LRRC63: variants seen among roughly 807,000 people sequenced by gnomAD.
LRRC63 encodes the protein leucine rich repeat containing 63.
A neutral mutation model predicts 49.5 loss-of-function variants in LRRC63; 40 were observed. That is an observed-to-expected ratio of 0.81 (90% CI 0.63 to 1.05). The LOEUF is 1.05. LRRC63 is among the 50% of genes least tolerant of loss of function. The pLI is 0.00. For missense variants in LRRC63, 636 were observed against 663.1 expected, an observed-to-expected ratio of 0.96 and a Z score of 0.45; for synonymous variants, 191 against 221.1, an observed-to-expected ratio of 0.86 and a Z score of 1.21.
intron 4 of LRRC63, among the ~76,000 whole-genome samples, chr13:46,231,964 C>T (rs1026921787): frequency 6.6e-5 from 10 of 151,810 alleles, no homozygotes; most frequent in African/African-American, 1.5e-4. Flanking sequence ...TACAGGCGCC[C>T]GCCACCATGC....
At chr13:46,217,717 C>G (rs1222283917) in intron 2 of LRRC63, among the ~76,000 whole-genome samples, 1 of 152,206 alleles carries the variant, frequency 6.6e-6, no homozygotes, top group Non-Finnish European at 1.5e-5. Context: ...AATTTTACAT[C>G]TTTCCTGCTT....
chr13:46,228,519 C>T, intron 3 of LRRC63, 146 bp from the exon 4 acceptor site: 1 of 625,030 alleles, frequency 1.6e-6, no homozygotes, highest in Non-Finnish European at 2.9e-6. Context: ...AAGTAGAATG[C>T]CAGTGCTGAT....
At chr13:46,247,600 T>C (rs925940262) in intron 6 of LRRC63, among the ~76,000 whole-genome samples, 5 of 152,150 alleles carry the variant, frequency 3.3e-5, no homozygotes, top group Non-Finnish European at 7.4e-5. Flanking sequence ...ATAGATAAAA[T>C]ATTCCAATGA....
At chr13:46,271,046 G>A (rs2047751160) in intron 9 of LRRC63, among the ~76,000 whole-genome samples, 1 of 152,032 alleles carries the variant, frequency 6.6e-6, no homozygotes, top group Non-Finnish European at 1.5e-5. Flanking sequence ...ACTGTTAGAG[G>A]GTACCATAAA....
intron 8 of LRRC63, among the ~76,000 whole-genome samples, chr13:46,265,463 C>T (rs1360298390): frequency 6.6e-6 from 1 of 152,186 alleles, no homozygotes; most frequent in African/African-American, 2.4e-5. Context: ...ATCAAGGCCC[C>T]AGCAGATGTG....
chr13:46,228,180 TC>T lies in LRRC63; in HGVS notation c.755del (p.Ser252LeufsTer2). 1 of 1,543,026 alleles carries T rather than the reference TC, an allele frequency of 6.5e-7. No homozygotes were observed. Among genetic ancestry groups the T allele is most frequent in the Non-Finnish European group, 8.8e-7 (1 of 1,142,364 alleles). On this transcript the variant is annotated frameshift_variant, in exon 3 of 10. Coordinates refer to ENST00000595396, the Ensembl canonical transcript of LRRC63. LOFTEE classifies it high-confidence loss of function. ...TTTACCAAGAAAACCTCACAGGCAGTCTGTGATAGGTAAATACAATCTGAAC... is the reference window on the plus strand; with the variant it reads ...TTTACCAAGAAAACCTCACAGGCAGTTGTGATAGGTAAATACAATCTGAAC...
At chr13:46,214,843 A>T (rs1283893747) in intron 2 of LRRC63, among the ~76,000 whole-genome samples, 2 of 152,120 alleles carry the variant, frequency 1.3e-5, no homozygotes, top group Non-Finnish European at 2.9e-5. Flanking sequence ...ACTCCCACTT[A>T]CAAGTGAGAA....
At chr13:46,243,523 TTCTCTA>T (rs1401652840) in intron 5 of LRRC63, among the ~76,000 whole-genome samples, 1 of 152,168 alleles carries the variant, frequency 6.6e-6, no homozygotes, top group Non-Finnish European at 1.5e-5. Context: ...GAAACTCACT[TTCTCTA>T]TAAAGACACA....
At chr13:46,247,913 CAT>C (rs1566497850) in intron 6 of LRRC63, among the ~76,000 whole-genome samples, 1 of 151,868 alleles carries the variant, frequency 6.6e-6, no homozygotes, top group Non-Finnish European at 1.5e-5. Flanking sequence ...GTCATAAAAT[CAT>C]AGTAATAAGT....
chr13:46,251,013 C>T (rs1014096515), intron 7 of LRRC63, among the ~76,000 whole-genome samples: 1 of 151,788 alleles, frequency 6.6e-6, no homozygotes, highest in African/African-American at 2.4e-5. Flanking sequence ...TGGGTTTCTT[C>T]CCACGTATGG....
At chr13:46,240,640 G>C (rs1418604564) in intron 5 of LRRC63, among the ~76,000 whole-genome samples, 3 of 152,102 alleles carry the variant, frequency 2.0e-5, no homozygotes, top group Admixed American at 6.6e-5. Flanking sequence ...AAAGTCTCAG[G>C]CTACAAAATC....
chr13:46,220,121 G>C (rs2046362498), intron 2 of LRRC63, among the ~76,000 whole-genome samples: 1 of 152,234 alleles, frequency 6.6e-6, no homozygotes, highest in Non-Finnish European at 1.5e-5. Flanking sequence ...CCCCTTAGCA[G>C]AGCTCAAGTG....
intron 2 of LRRC63, among the ~76,000 whole-genome samples, 159 bp downstream of exon 2, chr13:46,213,278 A>G (rs2046147931): frequency 1.3e-5 from 2 of 152,372 alleles, no homozygotes; most frequent in Non-Finnish European, 1.5e-5. Context: ...AGATGCATTT[A>G]CTGATACTTA....
At chr13:46,239,046 C>T (rs1430354568) in intron 5 of LRRC63, among the ~76,000 whole-genome samples, 1 of 152,086 alleles carries the variant, frequency 6.6e-6, no homozygotes, top group Non-Finnish European at 1.5e-5. Context: ...AAAGATGTTA[C>T]ATTAGTAACC....
chr13:46,266,692 T>C (rs2047688237), intron 8 of LRRC63, 41 bp from the exon 9 acceptor site: 1 of 1,451,676 alleles, frequency 6.9e-7, no homozygotes, highest in Admixed American at 2.8e-5. Flanking sequence ...ATATTATGAA[T>C]TGTATAATAC....
At position 46,227,694 on chromosome 13, in the gene LRRC63, C is replaced by T; in HGVS notation, c.268C>T (p.Gln90Ter). 2 of 1,550,370 alleles carry T rather than the reference C, an allele frequency of 1.3e-6. No individual in the cohort carries two copies. The highest frequency in any genetic ancestry group is 1.2e-5 in the South Asian group (1 of 84,054). ...AAGAGTGACTGCAATTTCATCACCC[C>T]AGAAATCTACTAAGCATGTCCGTGA... The change falls in exon 3 of 10, where the codon CAG (glutamine) becomes TAG (stop). Residue 90 changes from glutamine (Q) to a stop codon, truncating the protein, a stop_gained. Transcript: ENST00000595396. LOFTEE classifies it high-confidence loss of function.
chr13:46,212,868 TCATAAAGGAA>T, intron 1 of LRRC63, 124 bp from the exon 2 acceptor site: 1 of 517,942 alleles, frequency 1.9e-6, no homozygotes, highest in Non-Finnish European at 3.4e-6. Context: ...TCTTTTTTTT[TCATAAAGGAA>T]TTCTGCCTGG....
chr13:46,229,189 A>G (rs2046669913), intron 4 of LRRC63, among the ~76,000 whole-genome samples: 3 of 152,188 alleles, frequency 2.0e-5, no homozygotes, highest in Admixed American at 2.0e-4. Flanking sequence ...CAGAAACAAT[A>G]AGCAGTAGAA....
intron 5 of LRRC63, 95 bp from the exon 6 acceptor site, chr13:46,246,432 C>T: frequency 1.9e-6 from 1 of 521,046 alleles, no homozygotes; most frequent in Non-Finnish European, 3.2e-6. Context: ...AAAACATTCT[C>T]ATTCAAATTA....
Sources: allele counts gnomAD v4.1 joint callset (sites outside exome capture counted in the v4.1 genomes callset), GRCh38; gene constraint gnomAD v4.1.1; transcripts MANE v1.5; gene names NCBI Gene and HGNC (gene_info 2026-07-23, HGNC 2026-07-21).